CUBN: variants seen among roughly 807,000 people sequenced by gnomAD.
The protein encoded by CUBN is 460 kDa receptor.
CUBN carries 282 observed loss-of-function variants against 405.3 expected under a neutral mutation model. That is an observed-to-expected ratio of 0.70 (90% CI 0.63 to 0.77). The LOEUF (loss-of-function observed/expected upper bound fraction) is 0.77, where lower values mean the gene tolerates loss of function less well. CUBN is among the 30% of genes least tolerant of loss of function. The pLI is 0.00. For missense variants in CUBN, 4,514 were observed against 4,475.2 expected (o/e 1.01, Z -0.25); for synonymous variants, 1,684 against 1,617.0 (o/e 1.04, Z -0.99).
intron 31 of CUBN, among the ~76,000 whole-genome samples, chr10:16,961,872 T>TC (rs1843234421): frequency 1.3e-5 from 2 of 151,714 alleles, no homozygotes; most frequent in Non-Finnish European, 2.9e-5. Flanking sequence ...CCACTACGCC[T>TC]GGCTAATTTT....
In CUBN at chr10:16,899,149, T is replaced by C. The variant is rs1453905799; in HGVS notation, c.8445A>G (p.Thr2815=). Residue 2815 remains threonine (T), a synonymous_variant, in exon 54 of 67, where the codon ACA becomes ACG. Coordinates refer to ENST00000377833, the MANE Select transcript of CUBN (RefSeq NM_001081.4). The stretch of plus-strand genomic sequence containing the variant: ...TCTGAGGCCAGTGAGGGGATCTGAT[T>C]GTACCATTATCAGAATGAAATATTC... ...CGGIFHSDNG[T]IRSPHWPQNF... is the part of the protein sequence containing the mutation. 2 of 1,613,996 alleles carry C rather than the reference T, an allele frequency of 1.2e-6. No homozygotes were observed. Among genetic ancestry groups the C allele is most frequent in the South Asian group, 2.2e-5 (2 of 91,066 alleles).
intron 59 of CUBN, among the ~76,000 whole-genome samples, chr10:16,861,966 T>C (rs762119654): frequency 6.6e-6 from 1 of 151,978 alleles, no homozygotes; most frequent in African/African-American, 2.4e-5. Context: ...CTGACCAACA[T>C]GGTGAAAGCC....
At chr10:17,039,057 T>C (rs1834960194) in intron 27 of CUBN, among the ~76,000 whole-genome samples, 1 of 149,246 alleles carries the variant, frequency 6.7e-6, no homozygotes. Flanking sequence ...GTTCAGGTCC[T>C]GGAAATGTTT....
At chr10:17,030,877 C>T (rs1834772152) in intron 27 of CUBN, among the ~76,000 whole-genome samples, 1 of 152,042 alleles carries the variant, frequency 6.6e-6, no homozygotes, top group Non-Finnish European at 1.5e-5. Context: ...CAAGATTACG[C>T]CACTGCACTC....
At chr10:16,939,533 C>T (rs1842600504) in intron 37 of CUBN, among the ~76,000 whole-genome samples, 1 of 152,098 alleles carries the variant, frequency 6.6e-6, no homozygotes, top group South Asian at 2.1e-4. Context: ...TTTGAAATTA[C>T]ATATGAAATA....
chr10:16,843,133 T>C (rs981510095), intron 60 of CUBN, among the ~76,000 whole-genome samples: 8 of 152,234 alleles, frequency 5.3e-5, no homozygotes, highest in African/African-American at 1.9e-4. Context: ...AGAGACTCTG[T>C]CTGACTTCTT....
chr10:17,064,048 TG>T (rs1392603209), intron 22 of CUBN, among the ~76,000 whole-genome samples: 3 of 152,230 alleles, frequency 2.0e-5, no homozygotes, highest in African/African-American at 7.2e-5. Flanking sequence ...TTTTGGTCAC[TG>T]GATGTTAACC....
At chr10:17,034,542 T>C (rs778162401) in intron 27 of CUBN, among the ~76,000 whole-genome samples, 61 of 152,208 alleles carry the variant, frequency 4.0e-4, no homozygotes, top group Non-Finnish European at 7.5e-4. Context: ...TCTCAAGTGC[T>C]GGACCAGGGG....
At chr10:16,907,971 A>G (rs540991112) in intron 48 of CUBN, among the ~76,000 whole-genome samples, 1 of 152,170 alleles carries the variant, frequency 6.6e-6, no homozygotes, top group Non-Finnish European at 1.5e-5. Flanking sequence ...TGTGCTCTCA[A>G]TGTAAAGGAG....
chr10:16,953,911 A>AAAAGAGGG (rs1554799555), intron 32 of CUBN, among the ~76,000 whole-genome samples: 1 of 77,332 alleles, frequency 1.3e-5, no homozygotes, highest in African/African-American at 5.5e-5. Flanking sequence ...AGGAAGGGGA[A>AAAAGAGGG]GAAGAGGGGA....
intron 5 of CUBN, chr10:17,123,384 C>T: frequency 1.6e-6 from 1 of 614,612 alleles, no homozygotes. Context: ...TGAACCTCTC[C>T]TTTCAATGGC....
chr10:16,937,007 G>A (rs181060176), intron 39 of CUBN, among the ~76,000 whole-genome samples: 17 of 152,216 alleles, frequency 1.1e-4, no homozygotes, highest in East Asian at 7.7e-4. Flanking sequence ...ATCAGCCACC[G>A]CACCCGGTCT....
chr10:17,001,822 T>C (rs1390864978), intron 28 of CUBN, among the ~76,000 whole-genome samples: 5 of 152,204 alleles, frequency 3.3e-5, no homozygotes, highest in Non-Finnish European at 7.3e-5. Flanking sequence ...TCAATTTCAT[T>C]ATTTTGGTAC....
intron 48 of CUBN, among the ~76,000 whole-genome samples, chr10:16,909,247 G>A (rs1352962563): frequency 6.6e-6 from 1 of 152,140 alleles, no homozygotes; most frequent in Non-Finnish European, 1.5e-5. Context: ...GGCTTCTGGT[G>A]TAAAGTGTCT....
At position 16,933,859 on chromosome 10, in the gene CUBN, C is replaced by G. The variant is rs1056976324; in HGVS notation, c.5927-575G>C. Among the ~76,000 whole-genome samples, 10 of 152,238 alleles carry G rather than the reference C, an allele frequency of 6.6e-5. No homozygotes were observed. The East Asian group carries it at 1.9e-3, about 29-fold the overall frequency. ...CTGGTCAGTTTCTCATTAGCTGTAACTGGTGTCACTGCCTTGCACGGTTGT... is the reference window on the plus strand; with the variant it reads ...CTGGTCAGTTTCTCATTAGCTGTAAGTGGTGTCACTGCCTTGCACGGTTGT... On this transcript the variant is annotated intron_variant, in intron 39 of 66. Coordinates refer to ENST00000377833, the MANE Select transcript of CUBN (RefSeq NM_001081.4).
intron 17 of CUBN, among the ~76,000 whole-genome samples, chr10:17,074,194 C>A (rs1835802465): frequency 6.6e-6 from 1 of 152,124 alleles, no homozygotes; most frequent in Non-Finnish European, 1.5e-5. Context: ...TTACAATAGG[C>A]AGGAACATTT....
In CUBN at chr10:17,047,481, C is replaced by T. The variant is rs780869794; in HGVS notation, c.3262G>A (p.Val1088Met). Residue 1088 changes from valine (V) to methionine (M), a missense_variant, in exon 23 of 67, where the codon GTG becomes ATG. Val to Met is a conservative substitution (Grantham distance 21). Transcript: ENST00000377833. ...TCCAAGGAGAAGTTTGTGAAGTGCACTGCAATCAGTTGGCCAGTTCTCACT... is the reference window on the plus strand; with the variant it reads ...TCCAAGGAGAAGTTTGTGAAGTGCATTGCAATCAGTTGGCCAGTTCTCACT... Reference protein sequence around the residue: ...ITVRTGQLIAVHFTNFSLEEA... With the variant: ...ITVRTGQLIAMHFTNFSLEEA... The T allele has an allele frequency of 1.2e-5, 19 of 1,613,908 alleles. No individual in the cohort carries two copies. Among genetic ancestry groups the T allele is most frequent in the East Asian group, 2.2e-5 (1 of 44,860 alleles).
At chr10:17,037,834 T>G (rs933633712) in intron 27 of CUBN, among the ~76,000 whole-genome samples, 1 of 152,182 alleles carries the variant, frequency 6.6e-6, no homozygotes, top group African/African-American at 2.4e-5. Context: ...GTTCCTGCTC[T>G]CGCCCCACAA....
At chr10:17,008,241 GT>G (rs34564167) in intron 28 of CUBN, among the ~76,000 whole-genome samples, 55,796 of 147,042 alleles carry the variant, frequency 0.38, 10,464 homozygotes, top group East Asian at 0.57. Context: ...CGTGTGTGGT[GT>G]GTGTGTGTGT....
Sources: gnomAD v4.1 joint callset for allele counts (sites outside exome capture counted in the v4.1 genomes callset) on GRCh38, gnomAD v4.1.1 for gene constraint, MANE v1.5 for transcripts, NCBI Gene and HGNC (gene_info 2026-07-23, HGNC 2026-07-21) for gene names.